RAB28: variants seen among roughly 807,000 people sequenced by gnomAD.
RAB28 encodes RAB28, member RAS oncogene family, also known as ras-related protein Rab-28.
A neutral mutation model predicts 31.7 loss-of-function variants in RAB28; 24 were observed. The ratio of observed to expected loss-of-function variants is 0.76; its 90% CI spans 0.55 to 1.06. RAB28 has a LOEUF of 1.06. Among genes scored for constraint, RAB28 ranks in the 50% least tolerant of loss-of-function variants. The pLI, the probability that RAB28 is intolerant of heterozygous loss-of-function variation, is 0.00. For missense variants in RAB28, 254 were observed against 258.5 expected (o/e 0.98, Z 0.12); for synonymous variants, 100 against 90.4 (o/e 1.11, Z -0.60).
intron 4 of RAB28, among the ~76,000 whole-genome samples, chr4:13,413,423 C>A (rs1218748633): frequency 1.3e-5 from 2 of 152,076 alleles, no homozygotes; most frequent in African/African-American, 4.8e-5. Flanking sequence ...AACTTAAAAC[C>A]AAGAATATTT....
chr4:13,432,544 G>C (rs1713871500), intron 4 of RAB28, among the ~76,000 whole-genome samples: 1 of 152,022 alleles, frequency 6.6e-6, no homozygotes, highest in East Asian at 1.9e-4. Context: ...GCTAGAGAAA[G>C]GGGTCAAATT....
chr4:13,427,178 G>T (rs953071911), intron 4 of RAB28, among the ~76,000 whole-genome samples: 1 of 152,092 alleles, frequency 6.6e-6, no homozygotes, highest in Non-Finnish European at 1.5e-5. Flanking sequence ...TACCCCAAAA[G>T]GTGGGTAGGT....
At chr4:13,413,261 C>T (rs1712552470) in intron 4 of RAB28, among the ~76,000 whole-genome samples, 1 of 151,992 alleles carries the variant, frequency 6.6e-6, no homozygotes. Flanking sequence ...GACATACTGA[C>T]AAAAAATTTA....
intron 4 of RAB28, among the ~76,000 whole-genome samples, chr4:13,409,208 C>T (rs1048678327): frequency 6.6e-6 from 1 of 152,092 alleles, no homozygotes; most frequent in South Asian, 2.1e-4. Flanking sequence ...AAATACATTA[C>T]CTCTGATAGT....
intron 3 of RAB28, among the ~76,000 whole-genome samples, chr4:13,462,439 TAATATAATGTGTGACTTTATACA>T (rs2108961662): frequency 6.6e-6 from 1 of 152,320 alleles, no homozygotes; most frequent in African/African-American, 2.4e-5. Context: ...ACCTTTGTTT[TAATATAATGTGTGACTTTATACA>T]TAATTTTTCA....
At chr4:13,398,919 A>T (rs1711599048) in intron 4 of RAB28, among the ~76,000 whole-genome samples, 1 of 150,748 alleles carries the variant, frequency 6.6e-6, no homozygotes, top group African/African-American at 2.5e-5. Context: ...AACATTATTT[A>T]AAGTAACAAC....
intron 2 of RAB28, among the ~76,000 whole-genome samples, chr4:13,478,588 ATC>A (rs1716469675): frequency 6.6e-6 from 1 of 151,668 alleles, no homozygotes; most frequent in Non-Finnish European, 1.5e-5. Context: ...CAGTACATGA[ATC>A]TGACATTACA....
In RAB28 at chr4:13,418,409, A is replaced by G. The variant is rs551146201; in HGVS notation, c.392-36815T>C. ...AATCAGGAAATACAGAGAACACCAC[A>G]AAGACACTCCTCAAGAAGAGCAACC... On this transcript the variant is annotated intron_variant, in intron 4 of 6. Coordinates refer to ENST00000330852, the MANE Select transcript of RAB28 (RefSeq NM_001017979.3). Among the ~76,000 whole-genome samples, 109 of 152,298 alleles carry G rather than the reference A, an allele frequency of 7.2e-4. 1 individual carries two copies. The highest frequency in any genetic ancestry group is 1.3e-3 in the Non-Finnish European group (87 of 68,028).
intron 6 of RAB28, among the ~76,000 whole-genome samples, chr4:13,372,383 A>C (rs1469201486): frequency 6.6e-6 from 1 of 152,092 alleles, no homozygotes; most frequent in Non-Finnish European, 1.5e-5. Context: ...GGGCTATTAT[A>C]TGCTGCCAGT....
intron 1 of RAB28, among the ~76,000 whole-genome samples, chr4:13,480,448 G>A (rs1483457096): frequency 1.3e-5 from 2 of 151,716 alleles, no homozygotes; most frequent in Non-Finnish European, 3.0e-5. Context: ...GAAAATAGCC[G>A]TTTTTTATTT....
intron 3 of RAB28, among the ~76,000 whole-genome samples, chr4:13,469,157 G>A (rs1716004511): frequency 1.3e-5 from 2 of 151,904 alleles, no homozygotes; most frequent in African/African-American, 4.8e-5. Context: ...GAAAACTACT[G>A]GAATCTTCCA....
At chr4:13,376,327 C>T (rs750160743) in intron 6 of RAB28, among the ~76,000 whole-genome samples, 1 of 151,952 alleles carries the variant, frequency 6.6e-6, no homozygotes, top group Non-Finnish European at 1.5e-5. Flanking sequence ...TTTTTCCCAA[C>T]AAAAGAGACA....
intron 4 of RAB28, among the ~76,000 whole-genome samples, chr4:13,389,819 C>T (rs1729546971): frequency 6.6e-6 from 1 of 152,270 alleles, no homozygotes; most frequent in Non-Finnish European, 1.5e-5. Context: ...ACATGATTAT[C>T]TCAATAGATG....
chr4:13,374,622 G>A (rs945148453), intron 6 of RAB28, among the ~76,000 whole-genome samples: 1 of 151,962 alleles, frequency 6.6e-6, no homozygotes, highest in Non-Finnish European at 1.5e-5. Flanking sequence ...GAAACCTCAG[G>A]GTTATCTCAG....
chr4:13,427,950 C>T (rs942545022), intron 4 of RAB28, among the ~76,000 whole-genome samples: 1 of 152,144 alleles, frequency 6.6e-6, no homozygotes, highest in Non-Finnish European at 1.5e-5. Flanking sequence ...ACGCAGCTCC[C>T]GAGTGAGCAA....
At chr4:13,419,835 A>G (rs1207176537) in intron 4 of RAB28, among the ~76,000 whole-genome samples, 2 of 152,182 alleles carry the variant, frequency 1.3e-5, no homozygotes, top group African/African-American at 4.8e-5. Context: ...CATCACAATT[A>G]AAAGAACTAG....
At chr4:13,391,819 A>G (rs572361839) in intron 4 of RAB28, among the ~76,000 whole-genome samples, 2 of 151,238 alleles carry the variant, frequency 1.3e-5, no homozygotes, top group Admixed American at 1.3e-4. Context: ...AAAACTGAAC[A>G]CCGCATGTTC....
chr4:13,431,534 A>T (rs1713805674), intron 4 of RAB28, among the ~76,000 whole-genome samples: 1 of 152,150 alleles, frequency 6.6e-6, no homozygotes, highest in Non-Finnish European at 1.5e-5. Context: ...CTACCAGAAG[A>T]GCTTAGTGTT....
intron 6 of RAB28, chr4:13,371,385 G>C (rs1728706068): frequency 1.0e-6 from 1 of 985,186 alleles, no homozygotes; most frequent in South Asian, 4.7e-5. Flanking sequence ...ACAATGAAGA[G>C]ATGGGATTTT....
Sources: gnomAD v4.1 joint callset for allele counts (sites outside exome capture counted in the v4.1 genomes callset) on GRCh38, gnomAD v4.1.1 for gene constraint, MANE v1.5 for transcripts, NCBI Gene and HGNC (gene_info 2026-07-23, HGNC 2026-07-21) for gene names.